The following LINGO2 variants were observed in gnomAD, a reference collection of about 807,000 sequenced individuals.
The protein encoded by LINGO2 is leucine rich repeat and Ig domain containing 2.
Under a neutral mutation model 30.6 loss-of-function variants are expected in LINGO2, and 14 were observed. The observed-to-expected ratio is 0.46, with a 90% confidence interval of 0.30 to 0.72. The LOEUF is 0.72. LINGO2 is among the 30% of genes least tolerant of loss of function. LINGO2 has a pLI of 0.07. For missense variants in LINGO2, 729 were observed against 751.7 expected, an observed-to-expected ratio of 0.97 and a Z score of 0.35; for synonymous variants, 317 against 288.5, an observed-to-expected ratio of 1.10 and a Z score of -1.00.
Position 28,428,258 on chromosome 9 carries a change from C to A in LINGO2, c.-279+47682G>T, listed in dbSNP as rs374264692. Among the ~76,000 whole-genome samples the A allele has an allele frequency of 3.9e-5, 6 of 152,120 alleles. No homozygotes were observed. In the East Asian group the frequency reaches 7.7e-4, roughly 20 times the overall value. The stretch of plus-strand genomic sequence containing the variant: ...TTATATTTCATCTGAGGATCAGGAA[C>A]AAGGGTTTCTGATATTTGAGAGGAT... On this transcript the variant is annotated intron_variant, in intron 2 of 5. Coordinates refer to ENST00000379992, the Ensembl canonical transcript of LINGO2.
chr9:28,194,439 T>C (rs980315735), intron 4 of LINGO2, among the ~76,000 whole-genome samples: 1 of 151,852 alleles, frequency 6.6e-6, no homozygotes, highest in Admixed American at 6.6e-5. Context: ...TGCCAAAGTC[T>C]CTGCAACTAA....
At chr9:28,773,644 A>G in the LINGO2 span, among the ~76,000 whole-genome samples, 1 of 152,140 alleles carries the variant, frequency 6.6e-6, no homozygotes, top group Non-Finnish European at 1.5e-5. Flanking sequence ...GCTTGTTTGT[A>G]CAATACTATT....
the LINGO2 span, among the ~76,000 whole-genome samples, chr9:28,712,561 C>A: frequency 1.3e-5 from 2 of 151,068 alleles, no homozygotes; most frequent in African/African-American, 2.4e-5. Context: ...GGTTCCTTTA[C>A]CCCATTTGTA....
At chr9:28,200,770 C>T (rs950496113) in intron 4 of LINGO2, among the ~76,000 whole-genome samples, 7 of 152,090 alleles carry the variant, frequency 4.6e-5, no homozygotes, top group African/African-American at 1.4e-4. Context: ...TTTCTATATG[C>T]AGAATAATAT....
At chr9:28,947,736 A>G in the LINGO2 span, among the ~76,000 whole-genome samples, 1 of 151,438 alleles carries the variant, frequency 6.6e-6, no homozygotes, top group Non-Finnish European at 1.5e-5. Flanking sequence ...TGCATATTAT[A>G]TATACATTTC....
the LINGO2 span, among the ~76,000 whole-genome samples, chr9:28,706,997 C>T: frequency 6.6e-6 from 1 of 152,082 alleles, no homozygotes; most frequent in Non-Finnish European, 1.5e-5. Context: ...TTCCTCCCTA[C>T]TCCTGGACTA....
chr9:28,496,359 A>G (rs1819628917), intron 1 of LINGO2, among the ~76,000 whole-genome samples: 1 of 151,952 alleles, frequency 6.6e-6, no homozygotes, highest in East Asian at 1.9e-4. Context: ...TTGGGTGCAT[A>G]TATATTTAGG....
chr9:27,959,464 G>C (rs886857635), intron 5 of LINGO2, among the ~76,000 whole-genome samples: 4 of 151,794 alleles, frequency 2.6e-5, no homozygotes, highest in African/African-American at 9.7e-5. Context: ...GTATCATTCG[G>C]TCAAAAACGT....
intron 1 of LINGO2, among the ~76,000 whole-genome samples, chr9:28,498,890 T>G (rs1432646271): frequency 6.6e-6 from 1 of 152,048 alleles, no homozygotes; most frequent in Admixed American, 6.6e-5. Flanking sequence ...ATAATAAAAA[T>G]AATACTACAT....
chr9:28,990,258 C>T, the LINGO2 span, among the ~76,000 whole-genome samples: 5 of 152,210 alleles, frequency 3.3e-5, no homozygotes, highest in African/African-American at 1.2e-4. Context: ...ACTGCTAGCA[C>T]AGCAGTCTGA....
the LINGO2 span, among the ~76,000 whole-genome samples, chr9:29,188,401 G>C: frequency 3.3e-5 from 5 of 152,098 alleles, no homozygotes; most frequent in Admixed American, 6.5e-5. Context: ...AAAATGAAAA[G>C]TCTCCCATGT....
At chr9:29,028,007 T>A in the LINGO2 span, among the ~76,000 whole-genome samples, 2 of 152,160 alleles carry the variant, frequency 1.3e-5, no homozygotes, top group African/African-American at 4.8e-5. Flanking sequence ...ACTTTCCTGA[T>A]AATTCAGGCA....
At chr9:28,556,659 A>G (rs1466118509) in intron 1 of LINGO2, among the ~76,000 whole-genome samples, 3 of 152,028 alleles carry the variant, frequency 2.0e-5, no homozygotes, top group Admixed American at 1.3e-4. Context: ...TAAAGTTCAT[A>G]TGGAACCAAA....
intron 3 of LINGO2, among the ~76,000 whole-genome samples, chr9:28,369,329 G>T (rs1466636450): frequency 6.6e-6 from 1 of 152,100 alleles, no homozygotes; most frequent in African/African-American, 2.4e-5. Flanking sequence ...TCCTTGGGGG[G>T]TTATGCATTA....
At chr9:28,878,305 G>A in the LINGO2 span, among the ~76,000 whole-genome samples, 5 of 152,156 alleles carry the variant, frequency 3.3e-5, no homozygotes, top group East Asian at 1.9e-4. Context: ...TTGAATCTCC[G>A]AATAGACCAA....
chr9:28,737,988 T>C, the LINGO2 span, among the ~76,000 whole-genome samples: 43 of 152,276 alleles, frequency 2.8e-4, 1 homozygote, highest in South Asian at 8.7e-3. Context: ...TGTTTTTTTC[T>C]GGCATTCCCT....
At chr9:28,556,822 G>A (rs1046292716) in intron 1 of LINGO2, among the ~76,000 whole-genome samples, 2 of 151,998 alleles carry the variant, frequency 1.3e-5, no homozygotes. Flanking sequence ...GAACAGAACA[G>A]AGCCCTCAGA....
At chr9:28,652,108 CT>C (rs1563894068) in intron 1 of LINGO2, among the ~76,000 whole-genome samples, 1 of 151,914 alleles carries the variant, frequency 6.6e-6, no homozygotes, top group African/African-American at 2.4e-5. Context: ...CTGCATATGC[CT>C]TTTTTCTATT....
At chr9:28,938,435 T>G in the LINGO2 span, among the ~76,000 whole-genome samples, 1 of 152,194 alleles carries the variant, frequency 6.6e-6, no homozygotes, top group African/African-American at 2.4e-5. Context: ...TACTTATGAG[T>G]ATTATAGTAT....
Sources: allele counts gnomAD v4.1 joint callset (sites outside exome capture counted in the v4.1 genomes callset), GRCh38; gene constraint gnomAD v4.1.1; transcripts MANE v1.5; gene names NCBI Gene and HGNC (gene_info 2026-07-23, HGNC 2026-07-21).